ZFAND3: variants seen among roughly 807,000 people sequenced by gnomAD.
The protein encoded by ZFAND3 is AN1-type zinc finger protein 3.
A neutral mutation model predicts 29.6 loss-of-function variants in ZFAND3; 10 were observed. The observed-to-expected ratio is 0.34, with a 90% confidence interval of 0.21 to 0.57. ZFAND3 has a LOEUF of 0.57. Among genes scored for constraint, ZFAND3 ranks in the 20% least tolerant of loss-of-function variants. ZFAND3 has a pLI of 0.86. For missense variants in ZFAND3, 230 were observed against 304.5 expected, an observed-to-expected ratio of 0.76 and a Z score of 1.82; for synonymous variants, 128 against 112.6, an observed-to-expected ratio of 1.14 and a Z score of -0.87.
At chr6:38,116,126 G>A (rs1474308191) in intron 4 of ZFAND3, among the ~76,000 whole-genome samples, 2 of 152,192 alleles carry the variant, frequency 1.3e-5, no homozygotes, top group African/African-American at 4.8e-5. Flanking sequence ...GTGATACAGA[G>A]ATACATTAGA....
chr6:37,927,201 G>C (rs1217458840), intron 1 of ZFAND3, among the ~76,000 whole-genome samples: 1 of 152,204 alleles, frequency 6.6e-6, no homozygotes, highest in Non-Finnish European at 1.5e-5. Flanking sequence ...AAGGGACTCT[G>C]AGAAAAAGGC....
chr6:38,112,364 G>T (rs886627822), intron 4 of ZFAND3, among the ~76,000 whole-genome samples: 5 of 152,234 alleles, frequency 3.3e-5, no homozygotes, highest in Admixed American at 3.3e-4. Context: ...CCTGGGGTGG[G>T]AATGGTTTCC....
intron 2 of ZFAND3, among the ~76,000 whole-genome samples, chr6:37,955,171 G>GTGTGTC (rs758386657): frequency 2.6e-4 from 39 of 151,898 alleles, no homozygotes; most frequent in Non-Finnish European, 4.6e-4. Context: ...GTGTGTGTGT[G>GTGTGTC]TCTCTAAGGG....
At position 37,849,115 on chromosome 6, in the gene ZFAND3, A is replaced by C. The variant is rs74469042; in HGVS notation, c.71+29099A>C. Among the ~76,000 whole-genome samples, 435 of 152,308 alleles carry C rather than the reference A, an allele frequency of 2.9e-3. 3 individuals are homozygous for C. The highest frequency in any genetic ancestry group is 4.5e-3 in the Non-Finnish European group (305 of 68,014). ...ACTGCTTTGCAAGTTGAGATGAATT[A>C]GTTTGGATTCTATATTCCTGCTGCT... On this transcript the variant is annotated intron_variant, in intron 1 of 5. Coordinates refer to ENST00000287218, the MANE Select transcript of ZFAND3 (RefSeq NM_021943.3).
Position 38,117,966 on chromosome 6 carries a change from G to A in ZFAND3, c.529+1227G>A, listed in dbSNP as rs139101127. Among the ~76,000 whole-genome samples the A allele has an allele frequency of 3.3e-5, 5 of 152,288 alleles. No individual in the cohort carries two copies. In the East Asian group the frequency reaches 5.8e-4, roughly 18 times the overall value. ...GTTTGTTACACATTCTGGTGTATGC[G>A]GTACTCCACGAGATTAGAAGTGCAT... On this transcript the variant is annotated intron_variant, in intron 5 of 5. Transcript: ENST00000287218.
chr6:38,003,790 G>A (rs1348678330), intron 2 of ZFAND3: 3 of 451,188 alleles, frequency 6.6e-6, no homozygotes, highest in Admixed American at 2.4e-5. Context: ...ACAGGCGAGA[G>A]CTACAGTGCC....
Position 38,010,685 on chromosome 6 carries a change from C to T in ZFAND3, c.113-50908C>T, listed in dbSNP as rs777215795. 4.6e-5 allele frequency among the ~76,000 whole-genome samples: 7 copies of T among 151,424 alleles called. No individual in the cohort carries two copies. The South Asian group carries it at 8.4e-4, about 18-fold the overall frequency. The stretch of plus-strand genomic sequence containing the variant: ...CGCAATCTCAGCTCACTGCAACCTC[C>T]GCCTCACGGGTTCAAGCAATTCTCT... On this transcript the variant is annotated intron_variant, in intron 2 of 5. Coordinates refer to ENST00000287218, the MANE Select transcript of ZFAND3 (RefSeq NM_021943.3).
chr6:38,024,421 G>A (rs1333785114), intron 2 of ZFAND3, among the ~76,000 whole-genome samples: 8 of 150,158 alleles, frequency 5.3e-5, no homozygotes, highest in African/African-American at 2.0e-4. Context: ...GCAGTGAGCT[G>A]AGATGTGCCA....
At chr6:38,087,718 G>A (rs752558042) in intron 4 of ZFAND3, among the ~76,000 whole-genome samples, 25 of 152,282 alleles carry the variant, frequency 1.6e-4, no homozygotes, top group Admixed American at 1.2e-3. Flanking sequence ...TGGAGAAAAG[G>A]AATTCCTTGT....
rs541987095 is a variant in ZFAND3, at chr6:38,091,811, C to G, written c.361+9354C>G. Among the ~76,000 whole-genome samples the G allele has an allele frequency of 6.3e-4, 95 of 151,502 alleles. 1 individual carries two copies. The highest frequency in any genetic ancestry group is 1.2e-3 in the Non-Finnish European group (80 of 67,968). On this transcript the variant is annotated intron_variant, in intron 4 of 5. Coordinates refer to ENST00000287218, the MANE Select transcript of ZFAND3 (RefSeq NM_021943.3). ...GGGTGCCGAAGTGGAACAGACGGAG[C>G]TGAGGCATGGAGGCCTTATTACTGC...
intron 2 of ZFAND3, among the ~76,000 whole-genome samples, chr6:38,025,741 T>C (rs529860613): frequency 1.3e-5 from 2 of 152,228 alleles, no homozygotes; most frequent in African/African-American, 4.8e-5. Flanking sequence ...TTGAAAACTT[T>C]CATGCTGTGT....
chr6:37,908,529 TA>T (rs71542146), intron 1 of ZFAND3, among the ~76,000 whole-genome samples: 8,418 of 82,988 alleles, frequency 0.1, 366 homozygotes, highest in African/African-American at 0.16. Context: ...AAAGTATAAT[TA>T]AAAAAAAAAA....
chr6:38,119,934 TCTC>T (rs1765496946), intron 5 of ZFAND3, among the ~76,000 whole-genome samples: 1 of 152,140 alleles, frequency 6.6e-6, no homozygotes, highest in African/African-American at 2.4e-5. Flanking sequence ...GAATACGAAT[TCTC>T]CTCTGCCTCC....
chr6:38,147,446 A>G (rs1050967081), intron 5 of ZFAND3, among the ~76,000 whole-genome samples: 2 of 152,276 alleles, frequency 1.3e-5, no homozygotes, highest in African/African-American at 4.8e-5. Context: ...TGCCACAATA[A>G]ACATGCGAAT....
intron 2 of ZFAND3, among the ~76,000 whole-genome samples, chr6:38,039,722 T>C (rs1284744848): frequency 1.3e-5 from 2 of 152,098 alleles, no homozygotes; most frequent in African/African-American, 2.4e-5. Context: ...AGTCATGATA[T>C]TGGTTGTGTT....
At chr6:38,065,315 CAA>C (rs201237370) in intron 3 of ZFAND3, among the ~76,000 whole-genome samples, 4 of 127,100 alleles carry the variant, frequency 3.1e-5, no homozygotes, top group Non-Finnish European at 3.4e-5. Flanking sequence ...CTCTGTCTCA[CAA>C]AAAAAAAAAA....
At position 37,929,996 on chromosome 6, in the gene ZFAND3, G is replaced by T; in HGVS notation, c.109G>T (p.Ala37Ser). ...KTMNLCSKCF[A>S]DFQKKQPDDD... ...TATGAATCTCTGTTCCAAATGCTTT[G>T]CTGGTAAGTGCAGAAAAAGGGTTTT... Residue 37 changes from alanine (A) to serine (S), a missense_variant, in exon 2 of 6, where the codon GCT (alanine) becomes TCT (serine). Ala to Ser is a moderately conservative substitution (Grantham distance 99, BLOSUM62 1). Around this residue, in one of 2 missense-constraint regions of ZFAND3, gnomAD observed 180 missense variants for 202.5 expected, o/e 0.89. Transcript: ENST00000287218. The T allele has an allele frequency of 6.3e-7, 1 of 1,584,304 alleles. No individual in the cohort carries two copies.
chr6:37,833,984 T>A (rs1763915497), intron 1 of ZFAND3, among the ~76,000 whole-genome samples: 1 of 152,068 alleles, frequency 6.6e-6, no homozygotes, highest in Admixed American at 6.6e-5. Flanking sequence ...GTGGAACATT[T>A]TATAGAATTG....
chr6:38,010,403 T>G (rs572000600), intron 2 of ZFAND3, among the ~76,000 whole-genome samples: 1 of 152,274 alleles, frequency 6.6e-6, no homozygotes, highest in African/African-American at 2.4e-5. Context: ...ACAGTGTTAT[T>G]TGAGGAGCCA....
Sources: gnomAD v4.1 joint callset for allele counts (sites outside exome capture counted in the v4.1 genomes callset) on GRCh38, gnomAD v4.1.1 for gene constraint, gnomAD v4.1.1 regional missense constraint, MANE v1.5 for transcripts, NCBI Gene and HGNC (gene_info 2026-07-23, HGNC 2026-07-21) for gene names.